The following SCN2A variants were observed in gnomAD, a reference collection of about 807,000 sequenced individuals.
SCN2A encodes sodium voltage-gated channel alpha subunit 2.
In SCN2A, 20 loss-of-function variants were observed where a neutral mutation model predicts 188.7. The ratio of observed to expected loss-of-function variants is 0.11; its 90% CI spans 0.07 to 0.15. The LOEUF is 0.15. SCN2A is among the 10% of genes least tolerant of loss of function. The pLI is 1.00. For synonymous variants in SCN2A, 804 were observed against 833.1 expected, an observed-to-expected ratio of 0.97 and a Z score of 0.60; for missense variants, 1,278 against 2,445.0, an observed-to-expected ratio of 0.52 and a Z score of 10.07.
chr2:165,299,979 CT>C, intron 3 of SCN2A, among the ~76,000 whole-genome samples: 1 of 152,178 alleles, frequency 6.6e-6, no homozygotes, highest in Admixed American at 6.5e-5. Context: ...ATCAAATTAG[CT>C]TTTTTAAAAA....
In SCN2A at chr2:165,296,989, A is replaced by G. The variant is rs7593568; in HGVS notation, c.268-28A>G. The G allele has an allele frequency of 0.82, 964,440 of 1,175,220 alleles. 397,553 individuals are homozygous for G. Among genetic ancestry groups the G allele is most frequent in the Non-Finnish European group, 0.85 (672,622 of 795,396 alleles). 72.8% of individuals were successfully genotyped at this position (1,175,220 alleles called of 1,614,324 possible). A position where few individuals can be genotyped will look rare whatever the true frequency, so the allele number is the denominator to read the frequency against. On this transcript the variant is annotated intron_variant, in intron 2 of 26. Transcript: ENST00000375437. ...ATTCTTAATATATATTCTAAGTTTT[A>G]TTTTATGTGTTGTGTTTTCTTTTTC... is the stretch of plus-strand genomic sequence containing the variant.
In SCN2A at chr2:165,353,183, T is replaced by A. The variant is rs182179097; in HGVS notation, c.2920-1009T>A. 3.3e-5 allele frequency among the ~76,000 whole-genome samples: 5 copies of A among 152,222 alleles called. No individual in the cohort carries two copies. In the East Asian group the frequency reaches 7.7e-4, roughly 24 times the overall value. On this transcript the variant is annotated intron_variant, in intron 16 of 26. Transcript: ENST00000375437. ...TCCTTATTCATGGCAATACTTCAAC[T>A]CCACAATCTTTAATTCAACAATAAC... is the stretch of plus-strand genomic sequence containing the variant.
At chr2:165,316,672 T>C (rs1348969040) in intron 11 of SCN2A, among the ~76,000 whole-genome samples, 2 of 152,236 alleles carry the variant, frequency 1.3e-5, no homozygotes, top group Non-Finnish European at 2.9e-5. Flanking sequence ...TCTAATTTAG[T>C]TAATATCCCC....
At position 165,367,070 on chromosome 2, in the gene SCN2A, A is replaced by G. The variant is rs1700766879; in HGVS notation, c.3521-147A>G. On this transcript the variant is annotated intron_variant, in intron 18 of 26. Coordinates refer to ENST00000375437, the MANE Select transcript of SCN2A (RefSeq NM_001040142.2). ...AAAAAGCCATATAGATGATTTTAAG[A>G]TAGCTTTTGTAAGCGGAAGCTATCT... 3.0e-5 allele frequency: 22 copies of G among 735,342 alleles called. No individual in the cohort carries two copies. The South Asian group carries it at 3.9e-4, about 13-fold the overall frequency. 45.6% of individuals were successfully genotyped at this position (735,342 alleles called of 1,614,324 possible). A position where few individuals can be genotyped will look rare whatever the true frequency, so the allele number is the denominator to read the frequency against.
chr2:165,279,983 G>A (rs1305080761), intron 1 of SCN2A, among the ~76,000 whole-genome samples: 1 of 152,112 alleles, frequency 6.6e-6, no homozygotes, highest in Admixed American at 6.5e-5. Flanking sequence ...CACCATTCAC[G>A]AAATATGTGA....
chr2:165,303,643 G>C (rs1195194878), intron 3 of SCN2A, among the ~76,000 whole-genome samples: 1 of 152,144 alleles, frequency 6.6e-6, no homozygotes, highest in Non-Finnish European at 1.5e-5. Context: ...AATTTGTAAA[G>C]TATGTGACTG....
At chr2:165,251,536 C>T (rs985193860) in intron 1 of SCN2A, among the ~76,000 whole-genome samples, 8 of 151,962 alleles carry the variant, frequency 5.3e-5, no homozygotes, top group Non-Finnish European at 8.8e-5. Flanking sequence ...TTCTCTATGC[C>T]ATGAGTGAGG....
At chr2:165,342,174 C>A in intron 14 of SCN2A, 122 bp from the exon 15 acceptor site, 1 of 896,550 alleles carries the variant, frequency 1.1e-6, no homozygotes. Flanking sequence ...AGTTGTTGGA[C>A]CTAAACCAAT....
At chr2:165,316,265 A>C in intron 11 of SCN2A, among the ~76,000 whole-genome samples, 1 of 152,138 alleles carries the variant, frequency 6.6e-6, no homozygotes, top group East Asian at 1.9e-4. Flanking sequence ...AAACTCTCAG[A>C]TAGGCAGGTA....
rs772298890 is a variant in SCN2A at position 165,367,238 on chromosome 2, G to T, written c.3542G>T (p.Cys1181Phe). Residue 1181 changes from cysteine (C) to phenylalanine (F), a missense_variant, in exon 19 of 27, where the codon TGT becomes TTT. Physicochemically the swap from Cys to Phe is radical, Grantham distance 205. Transcript: ENST00000375437. ...FTEDCVRKFK[C>F]CQISIEEGKG... ...TTAGACTGTGTACGGAAGTTCAAGT[G>T]TTGTCAGATAAGCATAGAAGAAGGC... 6.2e-7 allele frequency: 1 copy of T among 1,614,092 alleles called. No individual in the cohort carries two copies. The highest frequency in any genetic ancestry group is 8.5e-7 in the Non-Finnish European group (1 of 1,180,004).
intron 1 of SCN2A, among the ~76,000 whole-genome samples, chr2:165,281,527 G>A (rs1695582908): frequency 1.3e-5 from 2 of 152,066 alleles, no homozygotes; most frequent in South Asian, 2.1e-4. Flanking sequence ...AGAAAGTACA[G>A]GGCAGGAGAC....
intron 1 of SCN2A, among the ~76,000 whole-genome samples, chr2:165,255,370 G>T (rs1296989675): frequency 6.6e-6 from 1 of 151,836 alleles, no homozygotes; most frequent in Non-Finnish European, 1.5e-5. Flanking sequence ...TAAAAATATT[G>T]TTTTTTCTTT....
intron 3 of SCN2A, among the ~76,000 whole-genome samples, chr2:165,298,350 T>C (rs934468077): frequency 7.2e-5 from 11 of 152,196 alleles, no homozygotes; most frequent in Non-Finnish European, 1.5e-4. Context: ...AGGGTACTTA[T>C]GTCATTTCTG....
intron 1 of SCN2A, among the ~76,000 whole-genome samples, chr2:165,246,088 C>T (rs972142756): frequency 3.3e-5 from 5 of 152,122 alleles, no homozygotes; most frequent in Non-Finnish European, 7.4e-5. Flanking sequence ...TTATTACAAA[C>T]CTAGACTCAC....
At position 165,263,312 on chromosome 2, in the gene SCN2A, G is replaced by A. The variant is rs532997894; in HGVS notation, c.-52+23672G>A. Among the ~76,000 whole-genome samples, 11 of 152,000 alleles carry A rather than the reference G, an allele frequency of 7.2e-5. 1 individual carries two copies. Among genetic ancestry groups the A allele is most frequent in the South Asian group, 2.1e-4 (1 of 4,832 alleles). ...TTTGGGTTTTGAAGTCTTTGCCCAA[G>A]CCAATGTCTAGAAGGGTTTTTCTGA... On this transcript the variant is annotated intron_variant, in intron 1 of 26. Transcript: ENST00000375437.
Position 165,347,373 on chromosome 2 carries a change from A to C in SCN2A, c.2919+2462A>C, listed in dbSNP as rs377352794. ...AACCAAACACTATATGTTCTCACTC[A>C]TAAGTGGGAGTTGAACAATGAGAAC... is the stretch of plus-strand genomic sequence containing the variant. On this transcript the variant is annotated intron_variant, in intron 16 of 26. Coordinates refer to ENST00000375437, the MANE Select transcript of SCN2A (RefSeq NM_001040142.2). Among the ~76,000 whole-genome samples, 23 of 152,176 alleles carry C rather than the reference A, an allele frequency of 1.5e-4. No individual in the cohort carries two copies. The East Asian group carries it at 4.3e-3, about 28-fold the overall frequency.
At chr2:165,387,941 A>C (rs1406286844) in intron 26 of SCN2A, among the ~76,000 whole-genome samples, 1 of 152,118 alleles carries the variant, frequency 6.6e-6, no homozygotes, top group African/African-American at 2.4e-5. Flanking sequence ...GACCTAAGAG[A>C]AGTTACCTCA....
At chr2:165,364,105 C>T (rs1241612074) in intron 17 of SCN2A, among the ~76,000 whole-genome samples, 2 of 152,126 alleles carry the variant, frequency 1.3e-5, no homozygotes. Flanking sequence ...TAACATACTT[C>T]AGTGTGCATT....
Position 165,323,397 on chromosome 2 carries a change from T to C in SCN2A, c.1913T>C (p.Leu638Pro). The change falls in exon 12 of 27, where the codon CTG (leucine) becomes CCG (proline). Residue 638 changes from leucine (L) to proline (P), a missense_variant. Coordinates refer to ENST00000375437, the MANE Select transcript of SCN2A (RefSeq NM_001040142.2). ...ASRASRVLPI[L>P]PMNGKMHSAV... ...CGTGCCTCCAGGGTGCTCCCCATCC[T>C]GCCCATGAATGGGAAGATGCATAGC... The C allele has an allele frequency of 6.2e-7, 1 of 1,614,138 alleles. No homozygotes were observed. The highest frequency in any genetic ancestry group is 8.5e-7 in the Non-Finnish European group (1 of 1,179,994).
Sources: allele counts gnomAD v4.1 joint callset (sites outside exome capture counted in the v4.1 genomes callset), GRCh38; gene constraint gnomAD v4.1.1; transcripts MANE v1.5; gene names NCBI Gene and HGNC (gene_info 2026-07-23, HGNC 2026-07-21).